The following TMEM132D variants were observed in gnomAD, a reference collection of about 807,000 sequenced individuals.
TMEM132D encodes the protein transmembrane protein 132D, also known as mature OL transmembrane protein.
Under a neutral mutation model 62.3 loss-of-function variants are expected in TMEM132D, and 21 were observed. The observed-to-expected ratio is 0.34, with a 90% CI of 0.24 to 0.49. The LOEUF (loss-of-function observed/expected upper bound fraction) is 0.49. Among genes scored for constraint, TMEM132D ranks in the 20% least tolerant of loss-of-function variants. The pLI, the probability that TMEM132D is intolerant of heterozygous loss-of-function variation, is 0.99. For synonymous variants in TMEM132D, 621 were observed against 575.6 expected (o/e 1.08, Z -1.13); for missense variants, 1,346 against 1,402.8 (o/e 0.96, Z 0.65).
intron 3 of TMEM132D, among the ~76,000 whole-genome samples, chr12:129,451,841 T>C (rs923759649): frequency 6.6e-5 from 10 of 152,214 alleles, no homozygotes; most frequent in African/African-American, 2.4e-4. Context: ...CACCTGCACT[T>C]GATTGGCAAG....
intron 8 of TMEM132D, among the ~76,000 whole-genome samples, chr12:129,076,400 A>C (rs759212546): frequency 6.7e-6 from 1 of 149,984 alleles, no homozygotes; most frequent in African/African-American, 2.5e-5. Flanking sequence ...CTTTTGCTTG[A>C]GTGGATTTTT....
In TMEM132D at chr12:129,619,787, T is replaced by G. The variant is rs139692729; in HGVS notation, c.968+80023A>C. ...TGAAACTCGTTAAACAACACTTCTT[T>G]GACTCACACCGAATTTCAGTAATCA... On this transcript the variant is annotated intron_variant, in intron 2 of 8. Coordinates refer to ENST00000422113, the MANE Select transcript of TMEM132D (RefSeq NM_133448.3). Among the ~76,000 whole-genome samples the G allele has an allele frequency of 7.7e-3, 1,179 of 152,354 alleles. 12 individuals carry two copies. The highest frequency in any genetic ancestry group is 0.017 in the Middle Eastern group (5 of 294).
chr12:129,772,062 G>A (rs1870771693), intron 1 of TMEM132D, among the ~76,000 whole-genome samples: 1 of 152,038 alleles, frequency 6.6e-6, no homozygotes, highest in Non-Finnish European at 1.5e-5. Context: ...CCAGAGGTAT[G>A]CCTTTTATCA....
intron 2 of TMEM132D, among the ~76,000 whole-genome samples, chr12:129,575,312 A>G (rs1233152969): frequency 1.3e-5 from 2 of 151,828 alleles, no homozygotes; most frequent in African/African-American, 4.9e-5. Context: ...GTCAAAAGTC[A>G]TTCCGCCGGT....
intron 5 of TMEM132D, among the ~76,000 whole-genome samples, chr12:129,193,334 G>GTTT (rs112488553): frequency 4.4e-4 from 65 of 149,196 alleles, no homozygotes; most frequent in African/African-American, 9.8e-4. Flanking sequence ...ACATAGCAAT[G>GTTT]TTTTTTTTTT....
At chr12:129,364,157 C>T (rs1167880953) in intron 3 of TMEM132D, among the ~76,000 whole-genome samples, 4 of 152,150 alleles carry the variant, frequency 2.6e-5, no homozygotes, top group African/African-American at 9.7e-5. Context: ...AGTAAATGGA[C>T]TTTAGAGTGA....
intron 2 of TMEM132D, among the ~76,000 whole-genome samples, chr12:129,561,106 T>C (rs938674230): frequency 2.6e-5 from 4 of 152,054 alleles, no homozygotes; most frequent in African/African-American, 4.8e-5. Flanking sequence ...AGAAAGAAAA[T>C]TGGGGACTTA....
At chr12:129,772,993 T>A (rs1193198858) in intron 1 of TMEM132D, among the ~76,000 whole-genome samples, 1 of 152,164 alleles carries the variant, frequency 6.6e-6, no homozygotes, top group Non-Finnish European at 1.5e-5. Flanking sequence ...CAGGACTCTT[T>A]TCATCCCTGC....
chr12:129,369,666 C>T (rs2135680049), intron 3 of TMEM132D, among the ~76,000 whole-genome samples: 3 of 152,324 alleles, frequency 2.0e-5, no homozygotes, highest in Admixed American at 2.0e-4. Flanking sequence ...GCTCTGTCTG[C>T]CAGAGGGCTA....
intron 4 of TMEM132D, among the ~76,000 whole-genome samples, chr12:129,331,059 C>G (rs1477481494): frequency 6.6e-6 from 1 of 152,208 alleles, no homozygotes; most frequent in South Asian, 2.1e-4. Flanking sequence ...AGTAGAGGAG[C>G]CAACATGGAT....
rs2137228027 is a variant in TMEM132D at position 129,700,674 on chromosome 12, T to C, written c.104A>G (p.Glu35Gly). ...SKVTEGRGIL[E>G]SIQRFSLLPT... ...CAGCAAGGAAAACCTCTGGATGCTC[T>C]CAAGGATCCCTCGACCTTCCGTCAC... is the stretch of plus-strand genomic sequence containing the variant. The change falls in exon 2 of 9, where the codon GAG (glutamate) becomes GGG (glycine). Residue 35 changes from glutamate (E) to glycine (G), a missense_variant. By Grantham distance (98) the Glu-to-Gly change is moderately conservative. Transcript: ENST00000422113. 4.3e-6 allele frequency: 7 copies of C among 1,612,414 alleles called. No individual in the cohort carries two copies. The South Asian group carries it at 7.7e-5, about 18-fold the overall frequency.
chr12:129,084,505 G>A lies in TMEM132D; in HGVS notation c.1641C>T (p.Ser547=). Reference sequence around the variant, plus strand: ...TTCAGGGACATACCCACCTCCTGCTGGAGACGATGGGCACTCTCCAACCCT... The same window carrying A: ...TTCAGGGACATACCCACCTCCTGCTAGAGACGATGGGCACTCTCCAACCCT... ...QIKGWRVPIV[S]SRRPAGDSEE... Residue 547 remains serine, a synonymous_variant, in exon 6 of 9, where the codon TCC becomes TCT. Transcript: ENST00000422113. 1 of 1,595,604 alleles carries A rather than the reference G, an allele frequency of 6.3e-7. No individual in the cohort carries two copies. Among genetic ancestry groups the A allele is most frequent in the South Asian group, 1.1e-5 (1 of 87,052 alleles).
intron 1 of TMEM132D, among the ~76,000 whole-genome samples, chr12:129,784,293 T>C (rs1038053782): frequency 2.0e-5 from 3 of 152,192 alleles, no homozygotes; most frequent in African/African-American, 7.2e-5. Flanking sequence ...GAATGTTAAG[T>C]GCAAACTTAA....
rs148387645 is a variant in TMEM132D, at chr12:129,771,557, G to A, written c.80-70859C>T. On this transcript the variant is annotated intron_variant, in intron 1 of 8. Transcript: ENST00000422113. ...CTATTTGCAAACTGGGGCCATGTAC[G>A]TGCTTTGGAGTAATTTTGAGAGTTC... Among the ~76,000 whole-genome samples, 18 of 152,300 alleles carry A rather than the reference G, an allele frequency of 1.2e-4. No homozygotes were observed. The East Asian group carries it at 1.7e-3, about 15-fold the overall frequency.
intron 2 of TMEM132D, among the ~76,000 whole-genome samples, chr12:129,636,538 A>G (rs1484957084): frequency 6.6e-6 from 1 of 152,126 alleles, no homozygotes; most frequent in Non-Finnish European, 1.5e-5. Context: ...TTCTTTTGAA[A>G]TCCCCTCAGT....
At chr12:129,530,510 A>G (rs1247413568) in intron 3 of TMEM132D, among the ~76,000 whole-genome samples, 1 of 152,216 alleles carries the variant, frequency 6.6e-6, no homozygotes, top group Non-Finnish European at 1.5e-5. Flanking sequence ...GGTGGCTATC[A>G]GAGACAGATT....
chr12:129,308,144 T>C (rs1881886851), intron 4 of TMEM132D, among the ~76,000 whole-genome samples: 1 of 152,228 alleles, frequency 6.6e-6, no homozygotes, highest in Non-Finnish European at 1.5e-5. Context: ...ATCTTCCAAA[T>C]GAAGGATTCC....
At chr12:129,329,945 A>C (rs1869051370) in intron 4 of TMEM132D, among the ~76,000 whole-genome samples, 1 of 152,226 alleles carries the variant, frequency 6.6e-6, no homozygotes, top group South Asian at 2.1e-4. Context: ...CTTATTTAAA[A>C]TGTATTTCAT....
In TMEM132D at chr12:129,699,976, C is replaced by A. The variant is rs2137225633; in HGVS notation, c.802G>T (p.Gly268Trp). Residue 268 changes from glycine to tryptophan, a missense_variant, in exon 2 of 9, where the codon GGG (glycine) becomes TGG (tryptophan). Gly to Trp is a radical substitution (Grantham distance 184, BLOSUM62 -2). Transcript: ENST00000422113. Reference sequence around the variant, plus strand: ...TGTGTCTGATAAAGGAAGATGCTCCCGATCCTCTGCAAGGGGGGCCCGGAC... The same window carrying A: ...TGTGTCTGATAAAGGAAGATGCTCCAGATCCTCTGCAAGGGGGGCCCGGAC... The part of the protein sequence containing the change: ...DESGPPLQRI[G>W]SIFLYQTHRK... 6.2e-7 allele frequency: 1 copy of A among 1,614,070 alleles called. No individual in the cohort carries two copies. The highest frequency in any genetic ancestry group is 8.5e-7 in the Non-Finnish European group (1 of 1,180,042).
Sources: allele counts gnomAD v4.1 joint callset (sites outside exome capture counted in the v4.1 genomes callset), GRCh38; gene constraint gnomAD v4.1.1; transcripts MANE v1.5; gene names NCBI Gene and HGNC (gene_info 2026-07-23, HGNC 2026-07-21).